SF3B1: variants seen among roughly 807,000 people sequenced by gnomAD.
SF3B1 encodes the protein splicing factor 3b subunit 1.
In SF3B1, 12 loss-of-function variants were observed where a neutral mutation model predicts 153.8. That is an observed-to-expected ratio of 0.08 (90% CI 0.05 to 0.13). The LOEUF is 0.13. SF3B1 is among the 10% of genes least tolerant of loss of function. SF3B1 has a pLI of 1.00. For missense variants in SF3B1, 513 were observed against 1,606.1 expected (o/e 0.32, Z 11.63); for synonymous variants, 498 against 525.2 (o/e 0.95, Z 0.71).
chr2:197,420,552 G>A lies in SF3B1; in HGVS notation c.301-10C>T, dbSNP rs771544987. On this transcript the variant is annotated splice_polypyrimidine_tract_variant and intron_variant, in intron 3 of 24. Transcript: ENST00000335508. ...CAGCAAATGGATCATACTGAAAAGA[G>A]GTATGTCTCACTTAATATCCACTTT... The A allele has an allele frequency of 5.9e-6, 9 of 1,533,848 alleles. No homozygotes were observed. The East Asian group carries it at 1.6e-4, about 27-fold the overall frequency.
At chr2:197,424,555 T>G (rs1402535245) in intron 1 of SF3B1, among the ~76,000 whole-genome samples, 1 of 151,152 alleles carries the variant, frequency 6.6e-6, no homozygotes, top group African/African-American at 2.4e-5. Context: ...TAGCTTAAAA[T>G]GTCCCCAGTT....
rs898270995 is a variant in SF3B1, at chr2:197,390,685, A to C, written c.*1618T>G. 5 of 151,760 alleles carry C rather than the reference A, an allele frequency of 3.3e-5. No individual in the cohort carries two copies. Among genetic ancestry groups the C allele is most frequent in the Admixed American group, 6.6e-5 (1 of 15,224 alleles). The allele number at this position is 151,760 out of a possible 1,614,324, so 9.4% of individuals were successfully genotyped here. On this transcript the variant is annotated 3_prime_UTR_variant, in exon 25 of 25. Transcript: ENST00000335508. Reference sequence around the variant, plus strand: ...AGCAGCGCTATCTCGGCTCACTGCAAGCTCCGCCTCCCGGGTTCAAGCCAT... The same window carrying C: ...AGCAGCGCTATCTCGGCTCACTGCACGCTCCGCCTCCCGGGTTCAAGCCAT...
At chr2:197,424,900 C>G (rs1220218863) in intron 1 of SF3B1, among the ~76,000 whole-genome samples, 1 of 152,216 alleles carries the variant, frequency 6.6e-6, no homozygotes, top group Admixed American at 6.5e-5. Flanking sequence ...TGGTCCACGC[C>G]TATAATCCCA....
chr2:197,428,338 A>T (rs1310797736), intron 1 of SF3B1, among the ~76,000 whole-genome samples: 1 of 152,028 alleles, frequency 6.6e-6, no homozygotes, highest in African/African-American at 2.4e-5. Context: ...GTAAGTAAAT[A>T]AATAAATAGG....
At position 197,390,213 on chromosome 2, in the gene SF3B1, AAGGTGTAAC is replaced by A. The variant is rs1355677767; in HGVS notation, c.*2081_*2089del. The A allele has an allele frequency of 6.6e-6, 1 of 152,172 alleles. No homozygotes were observed. Among genetic ancestry groups the A allele is most frequent in the East Asian group, 1.9e-4 (1 of 5,200 alleles). 9.4% of individuals were successfully genotyped at this position (152,172 alleles called of 1,614,324 possible). A position where few individuals can be genotyped will look rare whatever the true frequency, so the allele number is the denominator to read the frequency against. ...TTTGCATCAGTAAAAAAAGTTAATT[AAGGTGTAAC>A]AGTCTCCTTTGCTCCACAATGCCAC... is the stretch of plus-strand genomic sequence containing the variant. On this transcript the variant is annotated 3_prime_UTR_variant, in exon 25 of 25. Transcript: ENST00000335508.
Position 197,428,434 on chromosome 2 carries a change from A to C in SF3B1, c.29-4460T>G, listed in dbSNP as rs144134048. 1.2e-3 allele frequency among the ~76,000 whole-genome samples: 180 copies of C among 152,288 alleles called. 3 individuals carry two copies. Among genetic ancestry groups the C allele is most frequent in the African/African-American group, 4.1e-3 (169 of 41,558 alleles). ...CCAAGGTTTGTAAAATTCCACTTCAAATTTTTTATCTCTGGGAATAACAAT... is the reference window on the plus strand; with the variant it reads ...CCAAGGTTTGTAAAATTCCACTTCACATTTTTTATCTCTGGGAATAACAAT... On this transcript the variant is annotated intron_variant, in intron 1 of 24. Coordinates refer to ENST00000335508, the MANE Select transcript of SF3B1 (RefSeq NM_012433.4).
chr2:197,396,466 C>G, intron 22 of SF3B1, 138 bp from the exon 23 acceptor site: 1 of 666,170 alleles, frequency 1.5e-6, no homozygotes, highest in Non-Finnish European at 2.4e-6. Context: ...GCAATACTTT[C>G]AAGTCACTGG....
rs2105987783 is a variant in SF3B1 at position 197,402,891 on chromosome 2, C to T, written c.1806+58G>A. 1 of 1,608,022 alleles carries T rather than the reference C, an allele frequency of 6.2e-7. No homozygotes were observed. ...ATATTAATCTTCAACCATTTCTTTC[C>T]ATAATCAATTCCATAAACAGATATA... On this transcript the variant is annotated intron_variant, in intron 13 of 24. Coordinates refer to ENST00000335508, the MANE Select transcript of SF3B1 (RefSeq NM_012433.4). The surrounding 1 kb of genome is among the most constrained non-coding windows in gnomAD (Gnocchi z 4.6).
chr2:197,408,608 C>T (rs987816727), intron 7 of SF3B1, 27 bp from the exon 8 acceptor site: 2 of 1,415,338 alleles, frequency 1.4e-6, no homozygotes, highest in African/African-American at 2.8e-5. Context: ...TGAGTAAAAC[C>T]ACAATTTTAA....
intron 4 of SF3B1, chr2:197,418,806 A>G (rs1213086088): frequency 1.3e-6 from 2 of 1,494,980 alleles, no homozygotes; most frequent in Non-Finnish European, 1.8e-6. Flanking sequence ...TTTAAAACAA[A>G]TATTTTAATG....
intron 6 of SF3B1, among the ~76,000 whole-genome samples, chr2:197,415,784 G>C (rs953878432): frequency 3.9e-5 from 6 of 152,096 alleles, no homozygotes; most frequent in Admixed American, 1.3e-4. Context: ...ACATTTCTAA[G>C]AAAGATTTTA....
intron 8 of SF3B1, 34 bp from the exon 9 acceptor site, chr2:197,408,153 A>ATATAAT: frequency 6.5e-7 from 1 of 1,548,412 alleles, no homozygotes; most frequent in Non-Finnish European, 8.9e-7. Context: ...TATAATCTAT[A>ATATAAT]GTACAAGACT....
rs758090406 is a variant in SF3B1 at position 197,402,421 on chromosome 2, C to T, written c.2077+135G>A. 10 of 789,390 alleles carry T rather than the reference C, an allele frequency of 1.3e-5. No individual in the cohort carries two copies. Among genetic ancestry groups the T allele is most frequent in the Non-Finnish European group, 2.0e-5 (10 of 506,564 alleles). The allele number at this position is 789,390 out of a possible 1,614,324, so 48.9% of individuals were successfully genotyped here. A position where few individuals can be genotyped will look rare whatever the true frequency, so the allele number is the denominator to read the frequency against. The stretch of plus-strand genomic sequence containing the variant: ...AAACATGGACAGGCTGTGTGTGTAC[C>T]TCTAGTCCCAACTACTAAGGAGGCT... On this transcript the variant is annotated intron_variant, in intron 14 of 24. Transcript: ENST00000335508. The surrounding 1 kb of genome is among the most constrained non-coding windows in gnomAD (Gnocchi z 4.6).
At chr2:197,394,087 G>A (rs2084846848) in intron 23 of SF3B1, among the ~76,000 whole-genome samples, 1 of 152,082 alleles carries the variant, frequency 6.6e-6, no homozygotes, top group African/African-American at 2.4e-5. Context: ...AGGAGGCTGA[G>A]GCAGGAGAAT....
At chr2:197,424,000 T>G in intron 1 of SF3B1, 26 bp from the exon 2 acceptor site, 1 of 1,581,602 alleles carries the variant, frequency 6.3e-7, no homozygotes, top group Non-Finnish European at 8.6e-7. Context: ...ACAGACTTTC[T>G]TAATTTCACT....
Position 197,402,692 on chromosome 2 carries a change from G to A in SF3B1, c.1941C>T (p.Phe647=), listed in dbSNP as rs2084947939. The A allele has an allele frequency of 1.9e-6, 3 of 1,613,946 alleles. No homozygotes were observed. Among genetic ancestry groups the A allele is most frequent in the Non-Finnish European group, 2.5e-6 (3 of 1,179,998 alleles). The change falls in exon 14 of 25, where the codon TTC becomes TTT. Residue 647 remains phenylalanine, a synonymous_variant. Transcript: ENST00000335508. The surrounding 1 kb of genome is among the most constrained non-coding windows in gnomAD (Gnocchi z 4.6). ...SALGIPSLLP[F]LKAVCKSKKS... ...TCTTGCTTTTGCACACAGCTTTTAA[G>A]AAGGGCAATAAAGAAGGAATGCCCA...
At chr2:197,414,994 A>C (rs769118024) in intron 6 of SF3B1, among the ~76,000 whole-genome samples, 3 of 151,974 alleles carry the variant, frequency 2.0e-5, no homozygotes, top group African/African-American at 4.8e-5. Context: ...ACAGAATGAG[A>C]CCCTACCTCA....
At position 197,402,168 on chromosome 2, in the gene SF3B1, A is replaced by G. The variant is rs2084942367; in HGVS notation, c.2078-38T>C. 3 of 1,570,270 alleles carry G rather than the reference A, an allele frequency of 1.9e-6. No individual in the cohort carries two copies. In the South Asian group the frequency reaches 3.5e-5, roughly 18 times the overall value. On this transcript the variant is annotated intron_variant, in intron 14 of 24. Coordinates refer to ENST00000335508, the MANE Select transcript of SF3B1 (RefSeq NM_012433.4). The surrounding 1 kb of genome is among the most constrained non-coding windows in gnomAD (Gnocchi z 4.6). ...ACACAGGTTTTAACTATGCCCCAAC[A>G]TTACCTAAGTTACACAATATCATCC...
chr2:197,407,601 T>G lies in SF3B1; in HGVS notation c.1239+397A>C, dbSNP rs1481495477. 2.9e-5 allele frequency among the ~76,000 whole-genome samples: 4 copies of G among 138,986 alleles called. No individual in the cohort carries two copies. In the East Asian group the frequency reaches 8.7e-4, roughly 30 times the overall value. The allele number at this position is 138,986 out of a possible 152,430, so 91.2% of individuals were successfully genotyped here. A position where few individuals can be genotyped will look rare whatever the true frequency, so the allele number is the denominator to read the frequency against. Reference sequence around the variant, plus strand: ...GCCTGGGCAACAGAGTGAGACTCCATCTTTTAAAAAAAAAAAAAAAAAAAA... The same window carrying G: ...GCCTGGGCAACAGAGTGAGACTCCAGCTTTTAAAAAAAAAAAAAAAAAAAA... On this transcript the variant is annotated intron_variant, in intron 9 of 24. Coordinates refer to ENST00000335508, the MANE Select transcript of SF3B1 (RefSeq NM_012433.4).
Sources: gnomAD v4.1 joint callset for allele counts (sites outside exome capture counted in the v4.1 genomes callset) on GRCh38, gnomAD v4.1.1 for gene constraint, Gnocchi (gnomAD v3.1) non-coding constraint, MANE v1.5 for transcripts, NCBI Gene and HGNC (gene_info 2026-07-23, HGNC 2026-07-21) for gene names.